Variants in SUCLG2 observed in about 807,000 individuals in gnomAD.
The protein encoded by SUCLG2 is succinate-CoA ligase GDP-forming subunit beta.
Under a neutral mutation model 47.9 loss-of-function variants are expected in SUCLG2, and 42 were observed. The observed-to-expected ratio is 0.88, with a 90% CI of 0.69 to 1.14. SUCLG2 has a LOEUF of 1.14. SUCLG2 is among the 50% of genes most tolerant of loss of function. The pLI is 0.00. For synonymous variants in SUCLG2, 195 were observed against 197.3 expected (o/e 0.99, Z 0.10); for missense variants, 571 against 525.9 (o/e 1.09, Z -0.84).
chr3:67,507,450 C>T (rs964159563), intron 7 of SUCLG2, among the ~76,000 whole-genome samples: 1 of 151,436 alleles, frequency 6.6e-6, no homozygotes, highest in East Asian at 1.9e-4. Context: ...TGCATGCATA[C>T]TCATATATGA....
At chr3:67,599,151 G>A (rs1022531431) in intron 2 of SUCLG2, among the ~76,000 whole-genome samples, 3 of 152,314 alleles carry the variant, frequency 2.0e-5, no homozygotes, top group South Asian at 2.1e-4. Context: ...TTTTACAGAT[G>A]AGGAAACTGA....
At chr3:67,618,957 T>C (rs6792270) in intron 1 of SUCLG2, among the ~76,000 whole-genome samples, 69,807 of 151,628 alleles carry the variant, frequency 0.46, 16,442 homozygotes, top group African/African-American at 0.55. Context: ...GAGACCATTT[T>C]TGTTCCATTG....
At chr3:67,361,615 C>G (rs80336765) in intron 10 of SUCLG2, among the ~76,000 whole-genome samples, 23,249 of 152,120 alleles carry the variant, frequency 0.15, 1,928 homozygotes, top group Middle Eastern at 0.23. Context: ...CAGCCTGCAG[C>G]GACTAAAATG....
chr3:67,582,281 A>G (rs970782827), intron 2 of SUCLG2, among the ~76,000 whole-genome samples: 1 of 152,058 alleles, frequency 6.6e-6, no homozygotes, highest in African/African-American at 2.4e-5. Flanking sequence ...TCCATTTTCA[A>G]GTAGGCCTCA....
At chr3:67,590,928 A>G (rs1355397509) in intron 2 of SUCLG2, among the ~76,000 whole-genome samples, 2 of 151,990 alleles carry the variant, frequency 1.3e-5, no homozygotes, top group Non-Finnish European at 2.9e-5. Flanking sequence ...TTCTTTAACA[A>G]AAATTTCTAA....
In SUCLG2 at chr3:67,633,886, T is replaced by A. The variant is rs184031336; in HGVS notation, c.84+20617A>T. On this transcript the variant is annotated intron_variant, in intron 1 of 10. Coordinates refer to ENST00000307227, the MANE Select transcript of SUCLG2 (RefSeq NM_003848.4). Reference sequence around the variant, plus strand: ...AGACTTTAAAATATTTTAATATTTTTAAAATATTTCTTATATTTTATATAT... The same window carrying A: ...AGACTTTAAAATATTTTAATATTTTAAAAATATTTCTTATATTTTATATAT... 1.1e-4 allele frequency among the ~76,000 whole-genome samples: 16 copies of A among 152,214 alleles called. No homozygotes were observed. In the East Asian group the frequency reaches 2.9e-3, roughly 27 times the overall value.
intron 2 of SUCLG2, among the ~76,000 whole-genome samples, chr3:67,604,811 A>AATC (rs1278930163): frequency 6.6e-6 from 1 of 152,222 alleles, no homozygotes; most frequent in Non-Finnish European, 1.5e-5. Flanking sequence ...TCACCCTGGA[A>AATC]ATCACAGATA....
At chr3:67,527,475 A>G (rs1575756177) in intron 4 of SUCLG2, among the ~76,000 whole-genome samples, 1 of 152,320 alleles carries the variant, frequency 6.6e-6, no homozygotes. Context: ...GTCTGGATAC[A>G]CAAAAGGGAT....
intron 9 of SUCLG2, among the ~76,000 whole-genome samples, chr3:67,454,416 T>TAGAG (rs10632719): frequency 0.99 from 150,135 of 151,738 alleles, 74,277 homozygotes; most frequent in East Asian, 1. Flanking sequence ...AAAAAAAAAA[T>TAGAG]AGAAGGTGAA....
chr3:67,387,123 G>A (rs1449079194), intron 10 of SUCLG2, among the ~76,000 whole-genome samples: 2 of 152,146 alleles, frequency 1.3e-5, no homozygotes, highest in East Asian at 1.9e-4. Flanking sequence ...TGGCAGACAC[G>A]CCAGTCAGCA....
chr3:67,466,914 A>T (rs1323166659), intron 9 of SUCLG2, among the ~76,000 whole-genome samples: 1 of 152,226 alleles, frequency 6.6e-6, no homozygotes, highest in Non-Finnish European at 1.5e-5. Context: ...AGCCATTAGG[A>T]AGTTTGCTTT....
Position 67,405,913 on chromosome 3 carries a change from T to G in SUCLG2, c.1063-5062A>C, listed in dbSNP as rs181127306. On this transcript the variant is annotated intron_variant, in intron 9 of 10. Transcript: ENST00000307227. ...ACACATGAGTATCACAGGAGGTGGG[T>G]ATAATCATCCCCAAATTGAGGTGAA... Among the ~76,000 whole-genome samples the G allele has an allele frequency of 5.8e-3, 877 of 152,274 alleles. 6 individuals are homozygous for G. The highest frequency in any genetic ancestry group is 0.02 in the African/African-American group (828 of 41,558).
chr3:67,528,171 C>T lies in SUCLG2; in HGVS notation c.378G>A (p.Ala126=), dbSNP rs779436281. ...CACCTTCTTTTGGAGTTTGTTTTGT[C>T]GCTAGATTGTACCCAATCATCTGTT... is the stretch of plus-strand genomic sequence containing the variant. ...LAKQMIGYNL[A]TKQTPKEGVK... The change falls in exon 4 of 11, where the codon GCG becomes GCA. Residue 126 remains alanine (A), a synonymous_variant. Transcript: ENST00000307227. 30 of 1,613,816 alleles carry T rather than the reference C, an allele frequency of 1.9e-5. No homozygotes were observed. Among genetic ancestry groups the T allele is most frequent in the Non-Finnish European group, 2.2e-5 (26 of 1,179,850 alleles).
chr3:67,647,652 C>T (rs923218073), intron 1 of SUCLG2, among the ~76,000 whole-genome samples: 1 of 152,208 alleles, frequency 6.6e-6, no homozygotes, highest in Non-Finnish European at 1.5e-5. Context: ...TAAGTCAACA[C>T]TGAGACATGT....
At chr3:67,406,234 A>G (rs1158879446) in intron 9 of SUCLG2, among the ~76,000 whole-genome samples, 1 of 152,234 alleles carries the variant, frequency 6.6e-6, no homozygotes, top group Non-Finnish European at 1.5e-5. Flanking sequence ...TGAAATAAAA[A>G]TATTGCAAGA....
In SUCLG2 at chr3:67,646,108, G is replaced by C. The variant is rs980796435; in HGVS notation, c.84+8395C>G. Among the ~76,000 whole-genome samples, 3 of 143,284 alleles carry C rather than the reference G, an allele frequency of 2.1e-5. No homozygotes were observed. The Admixed American group carries it at 2.1e-4, about 10-fold the overall frequency. The allele number at this position is 143,284 out of a possible 152,430, so 94.0% of individuals were successfully genotyped here. On this transcript the variant is annotated intron_variant, in intron 1 of 10. Coordinates refer to ENST00000307227, the MANE Select transcript of SUCLG2 (RefSeq NM_003848.4). ...GGGGAGGGCAGGGGAGGGGAGGGGA[G>C]GAGAGGGGAGGGGAGGGGAGAATAT...
intron 9 of SUCLG2, among the ~76,000 whole-genome samples, chr3:67,481,001 A>T (rs1460923447): frequency 6.8e-6 from 1 of 147,288 alleles, no homozygotes; most frequent in East Asian, 2.0e-4. Context: ...ATCAAGATGT[A>T]CAATCACATT....
intron 6 of SUCLG2, among the ~76,000 whole-genome samples, chr3:67,510,048 G>A (rs1343414258): frequency 6.6e-6 from 1 of 152,194 alleles, no homozygotes; most frequent in Non-Finnish European, 1.5e-5. Context: ...TGCTCCCACT[G>A]GAGAAGCCCA....
downstream of SUCLG2, among the ~76,000 whole-genome samples, chr3:67,372,176 G>A (rs2363713): frequency 0.91 from 138,626 of 152,210 alleles, 63,311 homozygotes; most frequent in East Asian, 0.99. Flanking sequence ...TATGTTGGAC[G>A]GCACTGATAT....
Sources: allele counts gnomAD v4.1 joint callset (sites outside exome capture counted in the v4.1 genomes callset), GRCh38; gene constraint gnomAD v4.1.1; transcripts MANE v1.5; gene names NCBI Gene and HGNC (gene_info 2026-07-23, HGNC 2026-07-21).